Variants in PPP2R2C observed in about 807,000 individuals in gnomAD.
The protein encoded by PPP2R2C is protein phosphatase 2, regulatory subunit B, gamma.
A neutral mutation model predicts 45.3 loss-of-function variants in PPP2R2C; 10 were observed. The observed-to-expected ratio is 0.22, with a 90% CI of 0.14 to 0.37. The LOEUF (loss-of-function observed/expected upper bound fraction) is 0.37, where lower values mean the gene tolerates loss of function less well. Ranked by LOEUF, PPP2R2C falls within the 10% of genes least tolerant of loss-of-function variation. The probability of loss-of-function intolerance (pLI) is 1.00; values close to 1 mark genes in which losing one functional copy is unlikely to be tolerated. For synonymous variants in PPP2R2C, 257 were observed against 245.4 expected (o/e 1.05, Z -0.44); for missense variants, 308 against 619.7 (o/e 0.50, Z 5.34).
chr4:6,379,117 A>G (rs575667203), intron 2 of PPP2R2C, among the ~76,000 whole-genome samples: 39 of 152,190 alleles, frequency 2.6e-4, no homozygotes, highest in African/African-American at 9.4e-4. Context: ...TGAGGAATAA[A>G]TGAATTTGGG....
chr4:6,369,625 A>G (rs1714638648), intron 5 of PPP2R2C, among the ~76,000 whole-genome samples: 1 of 152,194 alleles, frequency 6.6e-6, no homozygotes, highest in Non-Finnish European at 1.5e-5. Flanking sequence ...CACCATCCAC[A>G]GTGCCACAGC....
chr4:6,520,247 C>T (rs11722835), intron 2 of PPP2R2C, among the ~76,000 whole-genome samples: 30,379 of 152,006 alleles, frequency 0.2, 3,587 homozygotes, highest in African/African-American at 0.32. Context: ...GAGGGAGGCA[C>T]GGAGTGGACA....
upstream of PPP2R2C, among the ~76,000 whole-genome samples, chr4:6,475,973 C>T (rs1417244163): frequency 6.6e-6 from 1 of 152,170 alleles, no homozygotes; most frequent in Non-Finnish European, 1.5e-5. Flanking sequence ...CTTGCCCACT[C>T]TCTCCCCAGG....
At chr4:6,511,355 T>C (rs147229379) in intron 2 of PPP2R2C, among the ~76,000 whole-genome samples, 13 of 151,804 alleles carry the variant, frequency 8.6e-5, no homozygotes, top group East Asian at 1.9e-4. Flanking sequence ...ACTACAGTGA[T>C]GGTAATGGTG....
intron 6 of PPP2R2C, among the ~76,000 whole-genome samples, chr4:6,346,133 C>G (rs1711891583): frequency 6.6e-6 from 1 of 152,198 alleles, no homozygotes; most frequent in African/African-American, 2.4e-5. Flanking sequence ...CTCCCAACAA[C>G]CCCCTCAGTG....
rs1714108519 is a variant in PPP2R2C, at chr4:6,364,588, C to T, written c.625+7935G>A. Among the ~76,000 whole-genome samples, 1 of 152,084 alleles carries T rather than the reference C, an allele frequency of 6.6e-6. No homozygotes were observed. The highest frequency in any genetic ancestry group is 1.5e-5 in the Non-Finnish European group (1 of 68,018). ...CAGCTCGGTGATTTGCCAGGCACTGCCCTAAAGGCTTCCCAGATGTCATCG... is the reference window on the plus strand; with the variant it reads ...CAGCTCGGTGATTTGCCAGGCACTGTCCTAAAGGCTTCCCAGATGTCATCG... On this transcript the variant is annotated intron_variant, in intron 5 of 8. Transcript: ENST00000382599. This position sits in a 1 kb window ranked among gnomAD's most constrained non-coding sequence, Gnocchi z 5.3.
chr4:6,545,233 G>A (rs952197153), intron 1 of PPP2R2C, among the ~76,000 whole-genome samples: 5 of 152,286 alleles, frequency 3.3e-5, no homozygotes, highest in East Asian at 1.9e-4. Context: ...TTCTACCAAC[G>A]CACCAGTATT....
intron 5 of PPP2R2C, among the ~76,000 whole-genome samples, chr4:6,359,118 G>C (rs1185823287): frequency 6.6e-6 from 1 of 152,186 alleles, no homozygotes. Context: ...ATGATAGACT[G>C]GATTAAGAAA....
At chr4:6,327,510 T>TA (rs1732044402) in intron 8 of PPP2R2C, among the ~76,000 whole-genome samples, 2 of 152,228 alleles carry the variant, frequency 1.3e-5, no homozygotes, top group South Asian at 4.1e-4. Flanking sequence ...AGCGGGGACC[T>TA]ACCCCGCAAA....
chr4:6,412,906 C>A (rs1273015386), intron 1 of PPP2R2C, among the ~76,000 whole-genome samples: 2 of 152,328 alleles, frequency 1.3e-5, no homozygotes, highest in Non-Finnish European at 2.9e-5. Context: ...ACCTGTGAAC[C>A]AGGCATACGG....
At chr4:6,537,233 G>GA (rs1215276241) in intron 1 of PPP2R2C, among the ~76,000 whole-genome samples, 1 of 151,944 alleles carries the variant, frequency 6.6e-6, no homozygotes, top group Non-Finnish European at 1.5e-5. Context: ...CATCAAAGGG[G>GA]AAAAAATCAA....
intron 2 of PPP2R2C, among the ~76,000 whole-genome samples, chr4:6,511,771 A>G (rs373067266): frequency 9.1e-4 from 5 of 5,514 alleles, no homozygotes; most frequent in Non-Finnish European, 1.7e-3. Flanking sequence ...GGTGATGGTG[A>G]TGGTGGTAAT....
intron 5 of PPP2R2C, among the ~76,000 whole-genome samples, chr4:6,362,047 AG>A (rs879553915): frequency 2.5e-4 from 37 of 148,422 alleles, no homozygotes; most frequent in African/African-American, 8.5e-4. Flanking sequence ...GGAGGGGGTG[AG>A]GGGGTTGAAG....
chr4:6,378,353 G>C lies in PPP2R2C; in HGVS notation c.334+54C>G. 1 of 1,609,802 alleles carries C rather than the reference G, an allele frequency of 6.2e-7. No individual in the cohort carries two copies. Among genetic ancestry groups the C allele is most frequent in the Non-Finnish European group, 8.5e-7 (1 of 1,178,614 alleles). On this transcript the variant is annotated intron_variant, in intron 3 of 8. Coordinates refer to ENST00000382599, the MANE Select transcript of PPP2R2C (RefSeq NM_020416.4). The surrounding 1 kb of genome is among the most constrained non-coding windows in gnomAD (Gnocchi z 5.2). ...ATAAGTGAAATACAAACCAGCATTT[G>C]GTAGAAACATCTACGGCCTGTGCCC... is the stretch of plus-strand genomic sequence containing the variant.
intron 5 of PPP2R2C, among the ~76,000 whole-genome samples, chr4:6,357,121 C>G (rs1713275011): frequency 6.7e-6 from 1 of 148,416 alleles, no homozygotes; most frequent in African/African-American, 2.5e-5. Context: ...TCAAATCCCC[C>G]TTTCATCTGC....
At chr4:6,462,462 G>A (rs1444249724) in intron 1 of PPP2R2C, among the ~76,000 whole-genome samples, 1 of 151,856 alleles carries the variant, frequency 6.6e-6, no homozygotes, top group African/African-American at 2.4e-5. Flanking sequence ...CTGGGCGACA[G>A]AGTGAAACTC....
chr4:6,448,737 C>T (rs963240494), intron 1 of PPP2R2C, among the ~76,000 whole-genome samples: 4 of 152,166 alleles, frequency 2.6e-5, no homozygotes, highest in Non-Finnish European at 4.4e-5. Flanking sequence ...AATCGTCACC[C>T]GCAAGCCCCT....
At chr4:6,454,908 A>G (rs1475208442) in intron 1 of PPP2R2C, among the ~76,000 whole-genome samples, 1 of 152,190 alleles carries the variant, frequency 6.6e-6, no homozygotes, top group Non-Finnish European at 1.5e-5. Context: ...CCTCATCACC[A>G]TCATCGCTAT....
chr4:6,357,423 C>T (rs867493720), intron 5 of PPP2R2C, among the ~76,000 whole-genome samples: 1 of 152,216 alleles, frequency 6.6e-6, no homozygotes, highest in Admixed American at 6.5e-5. Context: ...CCTAGCCAGA[C>T]GTAGGATTTC....
Sources: allele counts gnomAD v4.1 joint callset (sites outside exome capture counted in the v4.1 genomes callset), GRCh38; gene constraint gnomAD v4.1.1; non-coding constraint Gnocchi (gnomAD v3.1); transcripts MANE v1.5; gene names NCBI Gene and HGNC (gene_info 2026-07-23, HGNC 2026-07-21).